ADCY2: variants seen among roughly 807,000 people sequenced by gnomAD.
ADCY2 encodes the protein adenylate cyclase type 2.
A neutral mutation model predicts 125.2 loss-of-function variants in ADCY2; 31 were observed. The ratio of observed to expected loss-of-function variants is 0.25; its 90% confidence interval spans 0.19 to 0.33. The LOEUF is 0.33. Among genes scored for constraint, ADCY2 ranks in the 10% least tolerant of loss-of-function variants. The pLI, the probability that ADCY2 is intolerant of heterozygous loss-of-function variation, is 1.00. For synonymous variants in ADCY2, 512 were observed against 548.4 expected (o/e 0.93, Z 0.93); for missense variants, 904 against 1,418.2 (o/e 0.64, Z 5.82).
chr5:7,689,435 G>A (rs1740633153), intron 4 of ADCY2, among the ~76,000 whole-genome samples: 1 of 152,208 alleles, frequency 6.6e-6, no homozygotes, highest in Admixed American at 6.5e-5. Flanking sequence ...GCTCAGTTAT[G>A]CCAGTACATG....
intron 15 of ADCY2, among the ~76,000 whole-genome samples, chr5:7,748,508 C>T (rs2126442458): frequency 7.5e-6 from 1 of 132,492 alleles, no homozygotes; most frequent in Middle Eastern, 3.6e-3. Flanking sequence ...AAACATTTCC[C>T]CCCACCCTCC....
At position 7,612,738 on chromosome 5, in the gene ADCY2, C is replaced by T. The variant is rs188328007; in HGVS notation, c.571-13429C>T. On this transcript the variant is annotated intron_variant, in intron 3 of 24. Transcript: ENST00000338316. ...TGCTGGATAAGACTGCACACGAGGC[C>T]GGGCTTGGTGGCTCACGCCTGTAAT... 4.4e-3 allele frequency among the ~76,000 whole-genome samples: 675 copies of T among 152,256 alleles called. 3 individuals carry two copies. The highest frequency in any genetic ancestry group is 0.014 in the African/African-American group (599 of 41,538).
intron 18 of ADCY2, among the ~76,000 whole-genome samples, chr5:7,781,608 C>T (rs1187438463): frequency 6.6e-6 from 1 of 152,186 alleles, no homozygotes; most frequent in Non-Finnish European, 1.5e-5. Flanking sequence ...AAGGACATGG[C>T]CCTGAGAACA....
At chr5:7,780,286 CT>C (rs1177447362) in intron 18 of ADCY2, among the ~76,000 whole-genome samples, 3 of 152,180 alleles carry the variant, frequency 2.0e-5, no homozygotes, top group African/African-American at 7.2e-5. Flanking sequence ...GTCCCAATCC[CT>C]TGCTGAGTGA....
In ADCY2 at chr5:7,684,768, G is replaced by A. The variant is rs892417208; in HGVS notation, c.721-5923G>A. On this transcript the variant is annotated intron_variant, in intron 4 of 24. Coordinates refer to ENST00000338316, the MANE Select transcript of ADCY2 (RefSeq NM_020546.3). ...CTCCCTTGGAGCCACATCTATGTCT[G>A]TTGTGCCTTTTTTTTTTTTTTGTCA... Among the ~76,000 whole-genome samples, 82 of 96,016 alleles carry A rather than the reference G, an allele frequency of 8.5e-4. No individual in the cohort carries two copies. The East Asian group carries it at 0.024, about 28-fold the overall frequency. The allele number at this position is 96,016 out of a possible 152,430, so 63.0% of individuals were successfully genotyped here.
intron 15 of ADCY2, among the ~76,000 whole-genome samples, chr5:7,747,674 T>C (rs1742672052): frequency 6.6e-6 from 1 of 152,176 alleles, no homozygotes; most frequent in Admixed American, 6.5e-5. Context: ...AATTATCATC[T>C]AACTTTCATA....
chr5:7,765,267 A>G (rs1265282897), intron 16 of ADCY2, among the ~76,000 whole-genome samples: 1 of 152,184 alleles, frequency 6.6e-6, no homozygotes, highest in East Asian at 1.9e-4. Flanking sequence ...TTTGTTTGCC[A>G]TTTATTGATT....
intron 2 of ADCY2, among the ~76,000 whole-genome samples, chr5:7,449,193 C>A (rs772255717): frequency 6.6e-6 from 1 of 152,172 alleles, no homozygotes; most frequent in Admixed American, 6.5e-5. Flanking sequence ...GATGGTATCT[C>A]ACTGTGGTTT....
intron 3 of ADCY2, among the ~76,000 whole-genome samples, chr5:7,532,437 T>C (rs977955396): frequency 6.6e-6 from 1 of 152,230 alleles, no homozygotes; most frequent in Non-Finnish European, 1.5e-5. Context: ...ACTTTACATA[T>C]TTTAAAACTT....
chr5:7,458,535 T>C (rs34845), intron 2 of ADCY2, among the ~76,000 whole-genome samples: 4,430 of 152,288 alleles, frequency 0.029, 91 homozygotes, highest in Middle Eastern at 0.078. Flanking sequence ...TTCTGTGATA[T>C]TGTCAGTCTG....
At chr5:7,527,959 T>C (rs1333390108) in intron 3 of ADCY2, among the ~76,000 whole-genome samples, 2 of 152,194 alleles carry the variant, frequency 1.3e-5, no homozygotes, top group Non-Finnish European at 2.9e-5. Context: ...GTTCTGACTG[T>C]TTGTCTTCAG....
chr5:7,585,523 T>C (rs1259669497), intron 3 of ADCY2, among the ~76,000 whole-genome samples: 3 of 152,242 alleles, frequency 2.0e-5, no homozygotes, highest in Non-Finnish European at 2.9e-5. Flanking sequence ...GAATGAATGC[T>C]AATGCAGGCA....
chr5:7,822,269 T>G (rs1408061646), intron 24 of ADCY2, among the ~76,000 whole-genome samples: 8 of 152,362 alleles, frequency 5.3e-5, no homozygotes, highest in Non-Finnish European at 1.2e-4. Flanking sequence ...TTTGGAAATT[T>G]TGCTTAAACT....
intron 23 of ADCY2, among the ~76,000 whole-genome samples, chr5:7,819,756 C>T (rs1333647526): frequency 1.3e-5 from 2 of 152,144 alleles, no homozygotes; most frequent in African/African-American, 4.8e-5. Flanking sequence ...ATAATATTGC[C>T]AACAAAAGCG....
chr5:7,521,332 A>G (rs7701169), intron 3 of ADCY2, among the ~76,000 whole-genome samples: 16,767 of 152,226 alleles, frequency 0.11, 1,006 homozygotes, highest in Non-Finnish European at 0.13. Context: ...TCTTTATTTT[A>G]AAATTTTCTA....
intron 3 of ADCY2, among the ~76,000 whole-genome samples, chr5:7,554,001 T>A (rs1735428665): frequency 6.6e-6 from 1 of 152,148 alleles, no homozygotes; most frequent in Admixed American, 6.5e-5. Flanking sequence ...ATGAATTATT[T>A]AAGAAACATG....
chr5:7,723,347 A>G (rs1258783784), intron 12 of ADCY2, among the ~76,000 whole-genome samples: 2 of 152,190 alleles, frequency 1.3e-5, no homozygotes, highest in Non-Finnish European at 2.9e-5. Flanking sequence ...TCTAGAATAC[A>G]TTACTGACTT....
chr5:7,743,282 A>C (rs753044991), intron 14 of ADCY2, among the ~76,000 whole-genome samples: 1 of 151,950 alleles, frequency 6.6e-6, no homozygotes, highest in African/African-American at 2.4e-5. Context: ...CCAGGCTATC[A>C]AGGTGAGGCT....
chr5:7,477,279 A>G (rs1403168399), intron 2 of ADCY2, among the ~76,000 whole-genome samples: 1 of 152,242 alleles, frequency 6.6e-6, no homozygotes, highest in Non-Finnish European at 1.5e-5. Context: ...ATGAAAATAG[A>G]AAAGCTATTT....
Sources: allele counts gnomAD v4.1 joint callset (sites outside exome capture counted in the v4.1 genomes callset), GRCh38; gene constraint gnomAD v4.1.1; transcripts MANE v1.5; gene names NCBI Gene and HGNC (gene_info 2026-07-23, HGNC 2026-07-21).